Variants in PIK3C2G observed in about 807,000 individuals in gnomAD.
PIK3C2G encodes the protein phosphatidylinositol 3-kinase C2 domain-containing subunit gamma.
In PIK3C2G, 168 loss-of-function variants were observed where a neutral mutation model predicts 181.1. The ratio of observed to expected loss-of-function variants is 0.93; its 90% confidence interval spans 0.82 to 1.05. PIK3C2G has a LOEUF of 1.05. Ranked by LOEUF, PIK3C2G falls within the 50% of genes least tolerant of loss-of-function variation. The pLI is 0.00. For synonymous variants in PIK3C2G, 573 were observed against 592.2 expected, an observed-to-expected ratio of 0.97 and a Z score of 0.47; for missense variants, 1,869 against 1,732.8, an observed-to-expected ratio of 1.08 and a Z score of -1.40.
intron 20 of PIK3C2G, chr12:18,493,473 A>C (rs1217530748): frequency 6.6e-6 from 1 of 152,416 alleles, no homozygotes; most frequent in Non-Finnish European, 1.5e-5. Context: ...CTCATTATAC[A>C]CCAGAGAATT....
chr12:18,500,044 C>T (rs1170337316), intron 22 of PIK3C2G, among the ~76,000 whole-genome samples: 2 of 152,238 alleles, frequency 1.3e-5, no homozygotes, highest in Non-Finnish European at 2.9e-5. Flanking sequence ...CCCACTTTGG[C>T]GGCACTTGAG....
intron 31 of PIK3C2G, among the ~76,000 whole-genome samples, chr12:18,614,026 A>T (rs1948476096): frequency 6.6e-6 from 1 of 152,060 alleles, no homozygotes; most frequent in African/African-American, 2.4e-5. Context: ...GATAGTCTTA[A>T]TTTTTTGTTG....
chr12:18,258,806 A>G (rs556169863), upstream of PIK3C2G, among the ~76,000 whole-genome samples: 17 of 152,176 alleles, frequency 1.1e-4, no homozygotes, highest in Non-Finnish European at 2.4e-4. Context: ...CGATATAAAT[A>G]TTTTGTTTAT....
chr12:18,291,469 T>C (rs1225299993), intron 4 of PIK3C2G, among the ~76,000 whole-genome samples: 1 of 152,150 alleles, frequency 6.6e-6, no homozygotes. Context: ...ATAACATACC[T>C]CCATCAGAAT....
intron 16 of PIK3C2G, among the ~76,000 whole-genome samples, chr12:18,412,715 A>G (rs935755746): frequency 2.1e-4 from 32 of 152,200 alleles, no homozygotes; most frequent in Admixed American, 1.2e-3. Flanking sequence ...TCATTCACAT[A>G]AACCAAAACT....
intron 30 of PIK3C2G, among the ~76,000 whole-genome samples, chr12:18,601,933 G>A (rs1286698280): frequency 6.6e-6 from 1 of 152,066 alleles, no homozygotes; most frequent in Non-Finnish European, 1.5e-5. Flanking sequence ...TGGCACCACA[G>A]GGATCCATCA....
At chr12:18,299,484 CAA>C (rs1227837366) in intron 5 of PIK3C2G, among the ~76,000 whole-genome samples, 1 of 151,864 alleles carries the variant, frequency 6.6e-6, no homozygotes, top group Non-Finnish European at 1.5e-5. Flanking sequence ...CTGTCATCTG[CAA>C]AGAGGGACAA....
At chr12:18,435,488 G>A (rs1207552669) in intron 18 of PIK3C2G, among the ~76,000 whole-genome samples, 1 of 152,000 alleles carries the variant, frequency 6.6e-6, no homozygotes, top group Non-Finnish European at 1.5e-5. Context: ...ACCTCCAGCT[G>A]GTTAGCATAA....
At chr12:18,611,624 G>A (rs7964182) in intron 31 of PIK3C2G, among the ~76,000 whole-genome samples, 30,327 of 151,866 alleles carry the variant, frequency 0.2, 2,988 homozygotes, top group African/African-American at 0.2. Context: ...CAAAATTCTC[G>A]TGACTGCCCC....
At chr12:18,680,750 G>C in the PIK3C2G span, among the ~76,000 whole-genome samples, 1 of 152,158 alleles carries the variant, frequency 6.6e-6, no homozygotes, top group Non-Finnish European at 1.5e-5. Context: ...AAGCCATAGG[G>C]CATCTCAGTA....
At chr12:18,444,390 T>C (rs1212495244) in intron 18 of PIK3C2G, among the ~76,000 whole-genome samples, 1 of 152,196 alleles carries the variant, frequency 6.6e-6, no homozygotes, top group Non-Finnish European at 1.5e-5. Context: ...TATGTCTGCA[T>C]CTTACGAATT....
At chr12:18,661,318 G>A in the PIK3C2G span, among the ~76,000 whole-genome samples, 7 of 151,106 alleles carry the variant, frequency 4.6e-5, no homozygotes. Context: ...CTCCAAATGA[G>A]ATAACTCAGA....
chr12:18,689,390 A>T, the PIK3C2G span, among the ~76,000 whole-genome samples: 1 of 152,330 alleles, frequency 6.6e-6, no homozygotes, highest in African/African-American at 2.4e-5. Context: ...GTGGCTTTGA[A>T]TGCGGCCCAA....
chr12:18,307,288 A>G (rs555196294), intron 5 of PIK3C2G, among the ~76,000 whole-genome samples: 4 of 151,772 alleles, frequency 2.6e-5, no homozygotes, highest in South Asian at 2.1e-4. Context: ...TTCCTAAGAT[A>G]GTAACTAGCA....
chr12:18,518,008 G>T (rs1942659977), intron 24 of PIK3C2G, among the ~76,000 whole-genome samples: 1 of 152,120 alleles, frequency 6.6e-6, no homozygotes. Context: ...TTTTGTCATT[G>T]ATTCTGTTTA....
intron 24 of PIK3C2G, among the ~76,000 whole-genome samples, chr12:18,510,759 AGTT>A (rs1446886031): frequency 6.6e-6 from 1 of 152,308 alleles, no homozygotes; most frequent in Non-Finnish European, 1.5e-5. Context: ...GACAGATCAT[AGTT>A]GTTTGCATTT....
chr12:18,366,531 A>G (rs1476770066), intron 12 of PIK3C2G, among the ~76,000 whole-genome samples: 1 of 152,178 alleles, frequency 6.6e-6, no homozygotes. Context: ...TTCTGTCTCA[A>G]AAAAATAAAT....
At chr12:18,461,898 G>C (rs1200659124) in intron 18 of PIK3C2G, among the ~76,000 whole-genome samples, 1 of 152,166 alleles carries the variant, frequency 6.6e-6, no homozygotes, top group Non-Finnish European at 1.5e-5. Context: ...GCCTCTTCCA[G>C]CTTCAAGAGA....
At chr12:18,666,066 T>A in the PIK3C2G span, among the ~76,000 whole-genome samples, 1 of 151,866 alleles carries the variant, frequency 6.6e-6, no homozygotes, top group African/African-American at 2.4e-5. Context: ...TTAATGGTAA[T>A]CTCCAGGTAA....
Sources: gnomAD v4.1 joint callset for allele counts (sites outside exome capture counted in the v4.1 genomes callset) on GRCh38, gnomAD v4.1.1 for gene constraint, MANE v1.5 for transcripts, NCBI Gene and HGNC (gene_info 2026-07-23, HGNC 2026-07-21) for gene names.